Variants in PTPN14 observed in about 807,000 individuals in gnomAD.
PTPN14 encodes protein tyrosine phosphatase non-receptor type 14, also known as tyrosine-protein phosphatase non-receptor type 14.
In PTPN14, 53 loss-of-function variants were observed where a neutral mutation model predicts 126.8. The ratio of observed to expected loss-of-function variants is 0.42; its 90% CI spans 0.34 to 0.53. The LOEUF is 0.53. PTPN14 is among the 20% of genes least tolerant of loss of function. PTPN14 has a pLI of 0.08. For synonymous variants in PTPN14, 630 were observed against 599.3 expected, an observed-to-expected ratio of 1.05 and a Z score of -0.75; for missense variants, 1,257 against 1,552.9, an observed-to-expected ratio of 0.81 and a Z score of 3.20.
intron 1 of PTPN14, among the ~76,000 whole-genome samples, chr1:214,542,650 T>C (rs1240024737): frequency 6.6e-6 from 1 of 151,982 alleles, no homozygotes; most frequent in South Asian, 2.1e-4. Flanking sequence ...GAAAGTGGTA[T>C]TGAAGGAGGG....
Position 214,383,640 on chromosome 1 carries a change from C to T in PTPN14, c.2215G>A (p.Ala739Thr), listed in dbSNP as rs1353293080. ...EKMEYSAQLQ[A>T]ALARIPNKPP... ...TTGTTGGGGATGCGGGCCAGGGCCG[C>T]CTGCAGCTGGGCACTGTACTCCATC... The change falls in exon 13 of 19, where the codon GCG becomes ACG. Residue 739 changes from alanine (A) to threonine (T), a missense_variant. Transcript: ENST00000366956. This position sits in a 1 kb window ranked among gnomAD's most constrained non-coding sequence, Gnocchi z 4.4. 1.2e-6 allele frequency: 2 copies of T among 1,613,406 alleles called. No individual in the cohort carries two copies. The highest frequency in any genetic ancestry group is 3.3e-5 in the Admixed American group (2 of 60,030).
At chr1:214,382,857 G>T (rs1210613346) in intron 13 of PTPN14, among the ~76,000 whole-genome samples, 1 of 152,212 alleles carries the variant, frequency 6.6e-6, no homozygotes, top group Non-Finnish European at 1.5e-5. Flanking sequence ...TGAATACAAA[G>T]CTAGACATAT....
intron 3 of PTPN14, among the ~76,000 whole-genome samples, chr1:214,422,684 C>A (rs1659569434): frequency 6.6e-6 from 1 of 152,156 alleles, no homozygotes; most frequent in Non-Finnish European, 1.5e-5. Flanking sequence ...GGTGAGCTAC[C>A]AGGCGGAAAT....
chr1:214,497,304 C>A (rs77923871), intron 1 of PTPN14, among the ~76,000 whole-genome samples: 5 of 152,220 alleles, frequency 3.3e-5, no homozygotes, highest in Middle Eastern at 3.4e-3. Flanking sequence ...CATTCAACCT[C>A]ACCATCAGGA....
At chr1:214,505,431 C>T (rs1265188205) in intron 1 of PTPN14, among the ~76,000 whole-genome samples, 2 of 152,150 alleles carry the variant, frequency 1.3e-5, no homozygotes, top group Non-Finnish European at 2.9e-5. Context: ...CCATGGCCAA[C>T]AGGAGATGGC....
At chr1:214,359,273 G>A (rs1024137869) in intron 18 of PTPN14, among the ~76,000 whole-genome samples, 2 of 150,154 alleles carry the variant, frequency 1.3e-5, no homozygotes, top group Non-Finnish European at 3.0e-5. Context: ...GAGTGCAGTG[G>A]CTCAATCTCT....
chr1:214,506,770 G>A (rs1654855076), intron 1 of PTPN14, among the ~76,000 whole-genome samples: 1 of 151,714 alleles, frequency 6.6e-6, no homozygotes, highest in Non-Finnish European at 1.5e-5. Context: ...GTGAGGGGAG[G>A]GAGACCTCGA....
At chr1:214,465,011 GTACCA>G in intron 1 of PTPN14, 54 bp from the exon 2 acceptor site, 1 of 510,948 alleles carries the variant, frequency 2.0e-6, no homozygotes, top group Non-Finnish European at 3.5e-6. Context: ...CCTATCAATG[GTACCA>G]TATTCCACAC....
At chr1:214,548,436 A>G (rs1166966250) in intron 1 of PTPN14, among the ~76,000 whole-genome samples, 3 of 152,174 alleles carry the variant, frequency 2.0e-5, no homozygotes, top group Non-Finnish European at 4.4e-5. Flanking sequence ...TCCCTACCAA[A>G]GCTTTCGTGT....
intron 1 of PTPN14, among the ~76,000 whole-genome samples, chr1:214,513,577 A>G (rs896974651): frequency 1.3e-5 from 2 of 152,136 alleles, no homozygotes; most frequent in African/African-American, 4.8e-5. Flanking sequence ...TCTGTGTGCT[A>G]CGGGTGTGCT....
intron 1 of PTPN14, among the ~76,000 whole-genome samples, chr1:214,509,801 T>G (rs1416612517): frequency 1.3e-5 from 2 of 152,166 alleles, no homozygotes; most frequent in Non-Finnish European, 2.9e-5. Flanking sequence ...TGGAATACTA[T>G]GCAGCCATAA....
chr1:214,527,956 TTCTC>T (rs1235667575), intron 1 of PTPN14, among the ~76,000 whole-genome samples: 2 of 152,224 alleles, frequency 1.3e-5, no homozygotes, highest in Non-Finnish European at 2.9e-5. Context: ...TCTCGACAGC[TTCTC>T]TCTAAAGTCA....
chr1:214,517,956 T>C (rs1655150513), intron 1 of PTPN14, among the ~76,000 whole-genome samples: 2 of 151,696 alleles, frequency 1.3e-5, no homozygotes, highest in South Asian at 4.2e-4. Context: ...AAAAATAAAA[T>C]AAAATATAGA....
At chr1:214,473,127 T>C (rs781476056) in intron 1 of PTPN14, among the ~76,000 whole-genome samples, 5 of 151,966 alleles carry the variant, frequency 3.3e-5, no homozygotes, top group African/African-American at 7.2e-5. Context: ...TCCAGTATTT[T>C]GTTCTCTCAT....
At chr1:214,448,787 G>C (rs1195076138) in intron 3 of PTPN14, among the ~76,000 whole-genome samples, 1 of 152,098 alleles carries the variant, frequency 6.6e-6, no homozygotes, top group Non-Finnish European at 1.5e-5. Context: ...ACAGAGACCA[G>C]TGCTCTCACC....
chr1:214,475,434 G>C (rs1660846979), intron 1 of PTPN14, among the ~76,000 whole-genome samples: 1 of 152,182 alleles, frequency 6.6e-6, no homozygotes, highest in African/African-American at 2.4e-5. Flanking sequence ...TCCTGGTCCA[G>C]CTTGCATAAT....
Position 214,430,477 on chromosome 1 carries a change from A to G in PTPN14, c.345-15751T>C, listed in dbSNP as rs866249899. On this transcript the variant is annotated intron_variant, in intron 3 of 18. Coordinates refer to ENST00000366956, the MANE Select transcript of PTPN14 (RefSeq NM_005401.5). ...AGGTATTTTTTGATGAGATTAACAC[A>G]TTTAAATCAGTAGACTTTGAGTAAA... 2.0e-5 allele frequency among the ~76,000 whole-genome samples: 3 copies of G among 152,338 alleles called. 1 individual carries two copies. Among genetic ancestry groups the G allele is most frequent in the Middle Eastern group, 6.8e-3 (2 of 294 alleles).
chr1:214,392,840 A>G (rs1377966650), intron 10 of PTPN14, among the ~76,000 whole-genome samples: 2 of 152,202 alleles, frequency 1.3e-5, no homozygotes, highest in Non-Finnish European at 2.9e-5. Context: ...CGCTCCAGCT[A>G]TAAAGCAGCC....
chr1:214,534,253 A>G (rs190074153), intron 1 of PTPN14, among the ~76,000 whole-genome samples: 8 of 152,302 alleles, frequency 5.3e-5, no homozygotes, highest in African/African-American at 1.9e-4. Context: ...CCTCTAACCC[A>G]CAGAACCTAC....
Sources: allele counts gnomAD v4.1 joint callset (sites outside exome capture counted in the v4.1 genomes callset), GRCh38; gene constraint gnomAD v4.1.1; non-coding constraint Gnocchi (gnomAD v3.1); transcripts MANE v1.5; gene names NCBI Gene and HGNC (gene_info 2026-07-23, HGNC 2026-07-21).